Variants in NUP98 observed in about 807,000 individuals in gnomAD.
NUP98 encodes the protein nuclear pore complex protein Nup98-Nup96.
Under a neutral mutation model 191.9 loss-of-function variants are expected in NUP98, and 26 were observed. The ratio of observed to expected loss-of-function variants is 0.14; its 90% CI spans 0.10 to 0.19. The LOEUF is 0.19. NUP98 is among the 10% of genes least tolerant of loss of function. The pLI, the probability that NUP98 is intolerant of heterozygous loss-of-function variation, is 1.00. For synonymous variants in NUP98, 808 were observed against 778.4 expected (o/e 1.04, Z -0.63); for missense variants, 1,941 against 2,178.8 (o/e 0.89, Z 2.17).
chr11:3,750,438 AC>A (rs2080705733), intron 11 of NUP98, among the ~76,000 whole-genome samples: 1 of 152,326 alleles, frequency 6.6e-6, no homozygotes, highest in African/African-American at 2.4e-5. Flanking sequence ...GTATGTACTG[AC>A]CAAAAGAAAA....
At chr11:3,744,368 C>A (rs1589859138) in intron 12 of NUP98, 141 bp downstream of exon 12, 1 of 774,942 alleles carries the variant, frequency 1.3e-6, no homozygotes, top group Non-Finnish European at 1.9e-6. Context: ...TATTAATAAG[C>A]CCTTCTTTAC....
intron 1 of NUP98, among the ~76,000 whole-genome samples, chr11:3,784,907 C>T (rs888657197): frequency 6.6e-6 from 1 of 152,048 alleles, no homozygotes; most frequent in Non-Finnish European, 1.5e-5. Flanking sequence ...GAGGCAGAGG[C>T]GGGCAGATCA....
chr11:3,784,737 A>G (rs531443734), intron 1 of NUP98, among the ~76,000 whole-genome samples: 3 of 150,400 alleles, frequency 2.0e-5, no homozygotes, highest in African/African-American at 4.9e-5. Context: ...AAGCAAGCAA[A>G]CAAACAAAAA....
rs139140434 is a variant in NUP98, at chr11:3,702,691, C to T, written c.3284G>A (p.Arg1095His). The change falls in exon 23 of 33, where the codon CGT becomes CAT. Residue 1095 changes from arginine to histidine, a missense_variant. Coordinates refer to ENST00000324932, the MANE Select transcript of NUP98 (RefSeq NM_016320.5). The part of the protein sequence containing the change: ...PEVPLKTVGT[R>H]RQLGLVPREK... Reference sequence around the variant, plus strand: ...ACGAGGGACTAGGCCTAGTTGCCTACGTGTACCCACTGTTTTCAACGGAAC... The same window carrying T: ...ACGAGGGACTAGGCCTAGTTGCCTATGTGTACCCACTGTTTTCAACGGAAC... 2.4e-5 allele frequency: 38 copies of T among 1,614,062 alleles called. No homozygotes were observed. The highest frequency in any genetic ancestry group is 5.5e-5 in the South Asian group (5 of 91,088).
At chr11:3,728,657 TGAACCCAG>T (rs1411125354) in intron 14 of NUP98, among the ~76,000 whole-genome samples, 1 of 151,590 alleles carries the variant, frequency 6.6e-6, no homozygotes, top group Non-Finnish European at 1.5e-5. Flanking sequence ...GAGAGTGGAG[TGAACCCAG>T]GAGGCAGAGC....
chr11:3,712,537 T>C, intron 20 of NUP98, 27 bp downstream of exon 20: 1 of 1,611,530 alleles, frequency 6.2e-7, no homozygotes, highest in Non-Finnish European at 8.5e-7. Context: ...CGGATTCCAT[T>C]CAAATTCACT....
chr11:3,773,144 G>C (rs952452726), intron 6 of NUP98, among the ~76,000 whole-genome samples: 3 of 152,164 alleles, frequency 2.0e-5, no homozygotes, highest in Non-Finnish European at 2.9e-5. Flanking sequence ...GCTCATGCCT[G>C]TTATCCCAGC....
chr11:3,760,711 T>G (rs530812080), intron 9 of NUP98, 85 bp from the exon 10 acceptor site: 22 of 1,125,004 alleles, frequency 2.0e-5, no homozygotes, highest in Non-Finnish European at 2.6e-5. Context: ...GTATACTGGG[T>G]TGGGTATGGG....
chr11:3,702,489 G>A lies in NUP98; in HGVS notation c.3486C>T (p.Phe1162=), dbSNP rs1369993387. The part of the protein sequence containing the change: ...HQIADSMEFG[F]LPNPVAVKPL... ...GTTTAACAGCTACTGGATTGGGCAG[G>A]AATCCAAACTCCATGGAATCGGCAA... Residue 1162 remains phenylalanine (F), a synonymous_variant, in exon 23 of 33, where the codon TTC becomes TTT. Coordinates refer to ENST00000324932, the MANE Select transcript of NUP98 (RefSeq NM_016320.5). 6.2e-7 allele frequency: 1 copy of A among 1,613,838 alleles called. No individual in the cohort carries two copies. The highest frequency in any genetic ancestry group is 1.3e-5 in the African/African-American group (1 of 74,964).
Position 3,683,454 on chromosome 11 carries a change from A to G in NUP98, c.4677-13T>C, listed in dbSNP as rs752610069. On this transcript the variant is annotated splice_polypyrimidine_tract_variant and intron_variant, in intron 29 of 32. Coordinates refer to ENST00000324932, the MANE Select transcript of NUP98 (RefSeq NM_016320.5). ...CTTCTCACGTATGCTACAGGGAGAGATAAGCTAGAATAAATCCCATCCTCA... is the reference window on the plus strand; with the variant it reads ...CTTCTCACGTATGCTACAGGGAGAGGTAAGCTAGAATAAATCCCATCCTCA... 6.2e-7 allele frequency: 1 copy of G among 1,613,496 alleles called. No homozygotes were observed. The highest frequency in any genetic ancestry group is 1.1e-5 in the South Asian group (1 of 91,042).
intron 25 of NUP98, 62 bp from the exon 26 acceptor site, chr11:3,695,668 T>C: frequency 1.7e-6 from 2 of 1,172,402 alleles, no homozygotes; most frequent in Non-Finnish European, 2.2e-6. Context: ...GTCAAACACT[T>C]GGGGGCATTA....
chr11:3,763,152 G>C, intron 8 of NUP98, 113 bp from the exon 9 acceptor site: 1 of 908,732 alleles, frequency 1.1e-6, no homozygotes, highest in South Asian at 1.8e-5. Context: ...CAGATATTAG[G>C]CTAAATAACT....
At chr11:3,716,259 A>G (rs559988061) in intron 18 of NUP98, among the ~76,000 whole-genome samples, 56 of 152,198 alleles carry the variant, frequency 3.7e-4, no homozygotes, top group Non-Finnish European at 7.1e-4. Flanking sequence ...TGTATATGGC[A>G]TAACTTCACT....
chr11:3,734,325 G>A (rs571603243), intron 13 of NUP98, among the ~76,000 whole-genome samples: 4 of 152,196 alleles, frequency 2.6e-5, no homozygotes, highest in South Asian at 2.1e-4. Context: ...GAGCCACTGC[G>A]CCGGGCAGAT....
At chr11:3,768,202 A>T (rs2081402634) in intron 8 of NUP98, among the ~76,000 whole-genome samples, 1 of 152,046 alleles carries the variant, frequency 6.6e-6, no homozygotes, top group Admixed American at 6.6e-5. Flanking sequence ...TGGGCGGATC[A>T]CGAGGTCAGG....
chr11:3,759,166 C>T (rs2081078872), intron 10 of NUP98, among the ~76,000 whole-genome samples: 1 of 152,158 alleles, frequency 6.6e-6, no homozygotes, highest in Non-Finnish European at 1.5e-5. Flanking sequence ...TCTATCAGTG[C>T]CTAGTGATGT....
intron 1 of NUP98, among the ~76,000 whole-genome samples, chr11:3,785,913 T>A (rs567834786): frequency 6.6e-6 from 1 of 151,766 alleles, no homozygotes; most frequent in Non-Finnish European, 1.5e-5. Flanking sequence ...TAAAGGCATA[T>A]CACACTTGAG....
chr11:3,714,702 C>T (rs2134179160), intron 18 of NUP98: 1 of 163,106 alleles, frequency 6.1e-6, no homozygotes, highest in South Asian at 2.0e-4. Context: ...CAAGGTTCAT[C>T]CATGTTATAG....
intron 10 of NUP98, among the ~76,000 whole-genome samples, chr11:3,758,145 G>A (rs1344962598): frequency 2.0e-5 from 3 of 151,624 alleles, no homozygotes; most frequent in African/African-American, 4.8e-5. Flanking sequence ...GAGAAACCCC[G>A]TCTCTACTAA....
Sources: allele counts gnomAD v4.1 joint callset (sites outside exome capture counted in the v4.1 genomes callset), GRCh38; gene constraint gnomAD v4.1.1; transcripts MANE v1.5; gene names NCBI Gene and HGNC (gene_info 2026-07-23, HGNC 2026-07-21).